TRIM44: variants seen among roughly 807,000 people sequenced by gnomAD.
TRIM44 encodes the protein tripartite motif containing 44, also known as tripartite motif-containing protein 44.
In TRIM44, 13 loss-of-function variants were observed where a neutral mutation model predicts 37.4. That is an observed-to-expected ratio of 0.35 (90% CI 0.23 to 0.55). The LOEUF (loss-of-function observed/expected upper bound fraction) is 0.55, where lower values mean the gene tolerates loss of function less well. Ranked by LOEUF, TRIM44 falls within the 20% of genes least tolerant of loss-of-function variation. TRIM44 has a pLI of 0.89. For missense variants in TRIM44, 426 were observed against 437.2 expected, an observed-to-expected ratio of 0.97 and a Z score of 0.23; for synonymous variants, 175 against 157.2, an observed-to-expected ratio of 1.11 and a Z score of -0.85.
chr11:35,702,869 C>T (rs955828262), intron 2 of TRIM44, among the ~76,000 whole-genome samples: 8 of 152,188 alleles, frequency 5.3e-5, no homozygotes, highest in African/African-American at 1.4e-4. Context: ...TCAGAAGTAC[C>T]GGGTTCATCT....
chr11:35,796,119 C>A (rs1590607257), intron 4 of TRIM44, among the ~76,000 whole-genome samples: 1 of 152,188 alleles, frequency 6.6e-6, no homozygotes, highest in Non-Finnish European at 1.5e-5. Flanking sequence ...TGAAAAGTAG[C>A]ACTAGGTCAT....
chr11:35,684,262 A>T (rs951452936), intron 1 of TRIM44, among the ~76,000 whole-genome samples: 3 of 147,242 alleles, frequency 2.0e-5, no homozygotes, highest in Non-Finnish European at 4.4e-5. Flanking sequence ...GACCTAGCAT[A>T]AAAAAAAATC....
intron 4 of TRIM44, among the ~76,000 whole-genome samples, chr11:35,795,530 T>C (rs368982020): frequency 6.6e-6 from 1 of 152,080 alleles, no homozygotes; most frequent in South Asian, 2.1e-4. Flanking sequence ...TTGAGCACCA[T>C]GCTTGGCACA....
intron 4 of TRIM44, among the ~76,000 whole-genome samples, chr11:35,793,274 C>T (rs1590605272): frequency 6.6e-6 from 1 of 152,050 alleles, no homozygotes; most frequent in Non-Finnish European, 1.5e-5. Flanking sequence ...CGTGTAATCC[C>T]AGCACTTTGG....
chr11:35,806,322 T>C (rs778072038), intron 4 of TRIM44, 36 bp from the exon 5 acceptor site: 26 of 1,613,116 alleles, frequency 1.6e-5, no homozygotes, highest in Non-Finnish European at 2.0e-5. Flanking sequence ...CTTCTTGTGA[T>C]ATCTTAACTC....
At chr11:35,771,496 TG>T (rs1218537964) in intron 4 of TRIM44, among the ~76,000 whole-genome samples, 12 of 152,124 alleles carry the variant, frequency 7.9e-5, no homozygotes, top group Admixed American at 1.3e-4. Flanking sequence ...GAGGCCAAGG[TG>T]GGCGGATTAT....
intron 4 of TRIM44, among the ~76,000 whole-genome samples, chr11:35,805,836 C>A (rs965209605): frequency 3.9e-5 from 6 of 152,124 alleles, no homozygotes; most frequent in African/African-American, 9.7e-5. Flanking sequence ...TAGTAGAGTA[C>A]CTTCTCTGAC....
In TRIM44 at chr11:35,782,510, A is replaced by AT. The variant is rs139800754; in HGVS notation, c.1008-23847dup. Reference sequence around the variant, plus strand: ...ACATCTGGCTTTGGTTTAGTGGCTAATGATGTCAGGACTGCCATGTGTCTC... The same window carrying AT: ...ACATCTGGCTTTGGTTTAGTGGCTAATTGATGTCAGGACTGCCATGTGTCTC... On this transcript the variant is annotated intron_variant, in intron 4 of 4. Coordinates refer to ENST00000299413, the MANE Select transcript of TRIM44 (RefSeq NM_017583.6). Among the ~76,000 whole-genome samples, 1,344 of 152,318 alleles carry AT rather than the reference A, an allele frequency of 8.8e-3. 17 individuals carry two copies. Among genetic ancestry groups the AT allele is most frequent in the African/African-American group, 0.03 (1,250 of 41,572 alleles).
chr11:35,815,035 T>C lies in TRIM44; in HGVS notation c.*8650T>C, dbSNP rs1288908777. 2 of 152,148 alleles carry C rather than the reference T, an allele frequency of 1.3e-5. No homozygotes were observed. Among genetic ancestry groups the C allele is most frequent in the Non-Finnish European group, 2.9e-5 (2 of 68,038 alleles). 9.4% of individuals were successfully genotyped at this position (152,148 alleles called of 1,614,324 possible). A position where few individuals can be genotyped will look rare whatever the true frequency, so the allele number is the denominator to read the frequency against. The stretch of plus-strand genomic sequence containing the variant: ...TCATATTTCAGGGTGAGACAAATGC[T>C]CTGTTGAAGCCATGCCACTACAGGA... On this transcript the variant is annotated 3_prime_UTR_variant, in exon 5 of 5. Transcript: ENST00000299413.
chr11:35,687,911 C>T (rs1403346069), intron 2 of TRIM44, among the ~76,000 whole-genome samples: 2 of 152,068 alleles, frequency 1.3e-5, no homozygotes, highest in Non-Finnish European at 2.9e-5. Context: ...TTTAGTCTAC[C>T]ACAACCATAT....
At chr11:35,691,038 T>A (rs1387830228) in intron 2 of TRIM44, among the ~76,000 whole-genome samples, 4 of 152,214 alleles carry the variant, frequency 2.6e-5, no homozygotes, top group Admixed American at 2.0e-4. Flanking sequence ...TTTACTGGGA[T>A]CCTGTGCCAT....
intron 2 of TRIM44, among the ~76,000 whole-genome samples, chr11:35,700,299 C>G (rs1434875719): frequency 6.6e-6 from 1 of 152,168 alleles, no homozygotes; most frequent in Non-Finnish European, 1.5e-5. Context: ...TGTTCACACA[C>G]AGAATTTTTT....
At chr11:35,690,657 T>A (rs577170482) in intron 2 of TRIM44, among the ~76,000 whole-genome samples, 1 of 152,352 alleles carries the variant, frequency 6.6e-6, no homozygotes, top group East Asian at 1.9e-4. Context: ...TTTCTGGACT[T>A]TTCATTTAAA....
chr11:35,751,527 C>T (rs1222429149), intron 4 of TRIM44, among the ~76,000 whole-genome samples: 1 of 152,108 alleles, frequency 6.6e-6, no homozygotes, highest in East Asian at 1.9e-4. Context: ...CTGGCTGTCT[C>T]AATTTTCTCA....
intron 4 of TRIM44, among the ~76,000 whole-genome samples, chr11:35,757,182 T>C (rs1410217442): frequency 1.3e-5 from 2 of 152,206 alleles, no homozygotes; most frequent in East Asian, 3.8e-4. Context: ...ATTTTAGAGC[T>C]TGTTATTGGT....
chr11:35,699,975 C>T (rs972480921), intron 2 of TRIM44, among the ~76,000 whole-genome samples: 4 of 152,128 alleles, frequency 2.6e-5, no homozygotes, highest in African/African-American at 9.7e-5. Flanking sequence ...GAAGAACATT[C>T]CATGCTCATG....
intron 4 of TRIM44, among the ~76,000 whole-genome samples, chr11:35,804,690 T>C (rs1224509175): frequency 6.6e-6 from 1 of 152,174 alleles, no homozygotes; most frequent in African/African-American, 2.4e-5. Context: ...TTGGGACAGA[T>C]GCCATTAAAT....
chr11:35,718,759 T>C (rs1395268267), intron 2 of TRIM44, among the ~76,000 whole-genome samples: 1 of 152,190 alleles, frequency 6.6e-6, no homozygotes, highest in African/African-American at 2.4e-5. Context: ...CTGATCTTTT[T>C]ACTGTCTCCA....
At chr11:35,771,644 G>A (rs1415735938) in intron 4 of TRIM44, among the ~76,000 whole-genome samples, 1 of 151,780 alleles carries the variant, frequency 6.6e-6, no homozygotes, top group African/African-American at 2.4e-5. Flanking sequence ...AGAATCGCTT[G>A]AAGGTGGGAG....
Sources: allele counts gnomAD v4.1 joint callset (sites outside exome capture counted in the v4.1 genomes callset), GRCh38; gene constraint gnomAD v4.1.1; transcripts MANE v1.5; gene names NCBI Gene and HGNC (gene_info 2026-07-23, HGNC 2026-07-21).